TMEM131L: variants seen among roughly 807,000 people sequenced by gnomAD.
The protein encoded by TMEM131L is transmembrane 131 like.
TMEM131L carries 54 observed loss-of-function variants against 192.2 expected under a neutral mutation model. The ratio of observed to expected loss-of-function variants is 0.28; its 90% confidence interval spans 0.23 to 0.35. The LOEUF is 0.35. TMEM131L is among the 10% of genes least tolerant of loss of function. The pLI is 1.00. For synonymous variants in TMEM131L, 701 were observed against 704.9 expected, an observed-to-expected ratio of 0.99 and a Z score of 0.09; for missense variants, 1,888 against 1,972.9, an observed-to-expected ratio of 0.96 and a Z score of 0.82.
chr4:153,594,279 A>G (rs2150870435), intron 19 of TMEM131L, among the ~76,000 whole-genome samples: 1 of 152,316 alleles, frequency 6.6e-6, no homozygotes, highest in South Asian at 2.1e-4. Context: ...GTTTTTAGCA[A>G]GTCACCCAAT....
At chr4:153,490,491 T>C (rs549498623) in intron 3 of TMEM131L, among the ~76,000 whole-genome samples, 3 of 152,296 alleles carry the variant, frequency 2.0e-5, no homozygotes, top group African/African-American at 7.2e-5. Flanking sequence ...TTTGAAAGTA[T>C]GTTTAGGGAG....
intron 18 of TMEM131L, 127 bp downstream of exon 18, chr4:153,592,711 T>C (rs760645971): frequency 3.0e-6 from 2 of 674,602 alleles, no homozygotes; most frequent in Non-Finnish European, 5.2e-6. Context: ...ACCGATTAGC[T>C]CATGGACCTT....
chr4:153,513,161 C>T (rs1734478745), intron 3 of TMEM131L, among the ~76,000 whole-genome samples: 1 of 152,186 alleles, frequency 6.6e-6, no homozygotes, highest in Non-Finnish European at 1.5e-5. Flanking sequence ...TCTGTTCTAG[C>T]AGGCTGTTTG....
chr4:153,599,306 G>A (rs1330402937), intron 21 of TMEM131L, among the ~76,000 whole-genome samples: 1 of 152,128 alleles, frequency 6.6e-6, no homozygotes, highest in Admixed American at 6.5e-5. Context: ...GCTAAACCAT[G>A]AGAGACCACC....
chr4:153,590,667 AT>A (rs796381055), intron 16 of TMEM131L, among the ~76,000 whole-genome samples: 9 of 150,724 alleles, frequency 6.0e-5, no homozygotes, highest in East Asian at 1.9e-4. Context: ...TTATTGGCAG[AT>A]TTTTTTTTTC....
rs150285397 is a variant in TMEM131L at position 153,611,155 on chromosome 4, G to A, written c.3419-1097G>A. Among the ~76,000 whole-genome samples the A allele has an allele frequency of 2.9e-3, 447 of 152,336 alleles. 1 individual carries two copies. The highest frequency in any genetic ancestry group is 9.9e-3 in the African/African-American group (412 of 41,576). ...TTAATCAGCTGTTGGCTCCTCTGCC[G>A]ATTGGCTGCTCCACAGGGGCAGGGC... is the stretch of plus-strand genomic sequence containing the variant. On this transcript the variant is annotated intron_variant, in intron 25 of 34. Coordinates refer to ENST00000409959, the MANE Select transcript of TMEM131L (RefSeq NM_001131007.2).
chr4:153,497,894 AAAAAAG>A (rs1183986578), intron 3 of TMEM131L, among the ~76,000 whole-genome samples: 205 of 151,280 alleles, frequency 1.4e-3, no homozygotes, highest in African/African-American at 4.7e-3. Context: ...AAAAAAAAAA[AAAAAAG>A]AAAAGTTGAG....
In TMEM131L at chr4:153,620,811, A is replaced by C. The variant is rs750418588; in HGVS notation, c.3623A>C (p.Gln1208Pro). The C allele has an allele frequency of 9.6e-5, 154 of 1,595,996 alleles. No homozygotes were observed. The highest frequency in any genetic ancestry group is 1.3e-4 in the Non-Finnish European group (150 of 1,170,350). The part of the protein sequence containing the change: ...KLQEKREGNL[Q>P]NLNWSKSRTC... ...CAGGAGAAAAGAGAAGGAAATTTACAAAATTTAAATTGGAGTAAAAGTCGA... is the reference window on the plus strand; with the variant it reads ...CAGGAGAAAAGAGAAGGAAATTTACCAAATTTAAATTGGAGTAAAAGTCGA... Residue 1208 changes from glutamine to proline, a missense_variant, in exon 27 of 35, where the codon CAA (glutamine) becomes CCA (proline). Gln to Pro is a moderately conservative substitution (Grantham distance 76). Coordinates refer to ENST00000409959, the MANE Select transcript of TMEM131L (RefSeq NM_001131007.2).
chr4:153,508,942 C>T (rs1259680609), intron 3 of TMEM131L, among the ~76,000 whole-genome samples: 1 of 151,930 alleles, frequency 6.6e-6, no homozygotes, highest in East Asian at 1.9e-4. Flanking sequence ...CCACGCCCAG[C>T]CTAGTGTTTT....
chr4:153,559,764 A>G (rs1728725365), intron 7 of TMEM131L, among the ~76,000 whole-genome samples: 2 of 152,102 alleles, frequency 1.3e-5, no homozygotes, highest in African/African-American at 2.4e-5. Flanking sequence ...AAAAAATTCA[A>G]GTTGGACCCC....
intron 3 of TMEM131L, among the ~76,000 whole-genome samples, chr4:153,504,331 G>T (rs1286450139): frequency 8.1e-6 from 1 of 123,078 alleles, no homozygotes; most frequent in Non-Finnish European, 1.6e-5. Context: ...CCAGGCTGCA[G>T]TGCAGTGGTG....
In TMEM131L at chr4:153,612,334, AAAG is replaced by A; in HGVS notation, c.3506_3508del (p.Lys1169del). Reference sequence around the variant, plus strand: ...AGGTGGACACAAAGCCTTCTTCAGAAAAGAAGATTCACAAAACATCTAGAGAAG... The same window carrying A: ...AGGTGGACACAAAGCCTTCTTCAGAAAAGATTCACAAAACATCTAGAGAAG... On this transcript the variant is annotated inframe_deletion, in exon 26 of 35. Coordinates refer to ENST00000409959, the MANE Select transcript of TMEM131L (RefSeq NM_001131007.2). 6.2e-7 allele frequency: 1 copy of A among 1,601,636 alleles called. No homozygotes were observed. Among genetic ancestry groups the A allele is most frequent in the South Asian group, 1.2e-5 (1 of 86,500 alleles).
intron 3 of TMEM131L, among the ~76,000 whole-genome samples, chr4:153,502,432 A>G (rs1444372229): frequency 1.3e-5 from 2 of 152,208 alleles, no homozygotes; most frequent in East Asian, 1.9e-4. Flanking sequence ...GAACCTTATT[A>G]GTATACTCAA....
chr4:153,504,922 A>T (rs1459078334), intron 3 of TMEM131L, among the ~76,000 whole-genome samples: 1 of 152,028 alleles, frequency 6.6e-6, no homozygotes, highest in East Asian at 1.9e-4. Context: ...GTTGTAACAG[A>T]GGTTAGGTTT....
chr4:153,550,778 T>A (rs1351488172), intron 4 of TMEM131L, among the ~76,000 whole-genome samples: 2 of 152,220 alleles, frequency 1.3e-5, no homozygotes, highest in Non-Finnish European at 2.9e-5. Flanking sequence ...ATTCATTTGC[T>A]CACTTGGTTT....
intron 4 of TMEM131L, among the ~76,000 whole-genome samples, chr4:153,552,588 T>C (rs1410071953): frequency 6.6e-6 from 1 of 152,172 alleles, no homozygotes; most frequent in African/African-American, 2.4e-5. Flanking sequence ...CCCAGCACTT[T>C]GGGAGACTGA....
chr4:153,499,546 C>T (rs1305012930), intron 3 of TMEM131L, among the ~76,000 whole-genome samples: 3 of 152,022 alleles, frequency 2.0e-5, no homozygotes, highest in African/African-American at 7.2e-5. Flanking sequence ...CCTGCCTCAG[C>T]CTCCCAAGTA....
At position 153,611,557 on chromosome 4, in the gene TMEM131L, C is replaced by T. The variant is rs573378046; in HGVS notation, c.3419-695C>T. The stretch of plus-strand genomic sequence containing the variant: ...TAGTTGTGCAGCCATCACCACTGTC[C>T]ATATCCTTTTCCATTTCCAGAAGTT... On this transcript the variant is annotated intron_variant, in intron 25 of 34. Transcript: ENST00000409959. Among the ~76,000 whole-genome samples, 4 of 152,280 alleles carry T rather than the reference C, an allele frequency of 2.6e-5. No individual in the cohort carries two copies. The East Asian group carries it at 7.7e-4, about 29-fold the overall frequency.
At chr4:153,544,973 G>A (rs575372283) in intron 3 of TMEM131L, among the ~76,000 whole-genome samples, 2 of 152,302 alleles carry the variant, frequency 1.3e-5, no homozygotes, top group South Asian at 2.1e-4. Context: ...TCTTTGAAAT[G>A]ACGTGTTTTG....
Sources: gnomAD v4.1 joint callset for allele counts (sites outside exome capture counted in the v4.1 genomes callset) on GRCh38, gnomAD v4.1.1 for gene constraint, MANE v1.5 for transcripts, NCBI Gene and HGNC (gene_info 2026-07-23, HGNC 2026-07-21) for gene names.